SRRM1: variants seen among roughly 807,000 people sequenced by gnomAD.
The protein encoded by SRRM1 is serine/arginine repetitive matrix protein 1.
SRRM1 carries 19 observed loss-of-function variants against 110.2 expected under a neutral mutation model. The observed-to-expected ratio is 0.17, with a 90% CI of 0.12 to 0.25. The LOEUF is 0.25. SRRM1 is among the 10% of genes least tolerant of loss of function. The pLI is 1.00. For synonymous variants in SRRM1, 443 were observed against 414.9 expected (o/e 1.07, Z -0.82); for missense variants, 918 against 1,145.8 (o/e 0.80, Z 2.87).
At chr1:24,658,738 A>G (rs1319748286) in intron 9 of SRRM1, among the ~76,000 whole-genome samples, 1 of 152,202 alleles carries the variant, frequency 6.6e-6, no homozygotes, top group East Asian at 1.9e-4. Flanking sequence ...AGCCTCAAAT[A>G]GTTAACAATT....
At position 24,646,079 on chromosome 1, in the gene SRRM1, C is replaced by A. The variant is rs1657339433; in HGVS notation, c.111+6C>A. 4 of 1,605,766 alleles carry A rather than the reference C, an allele frequency of 2.5e-6. No individual in the cohort carries two copies. The South Asian group carries it at 3.3e-5, about 13-fold the overall frequency. On this transcript the variant is annotated splice_donor_region_variant and intron_variant, in intron 2 of 16. Coordinates refer to ENST00000323848, the MANE Select transcript of SRRM1 (RefSeq NM_005839.4). ...CAGAATGCCTAGAAAAAAAGGTATT[C>A]TTCTGGATGAGACTGTTGTGCATCT...
At chr1:24,651,661 A>C (rs748895006) in intron 6 of SRRM1, 49 bp downstream of exon 6, 1 of 1,349,844 alleles carries the variant, frequency 7.4e-7, no homozygotes, top group Non-Finnish European at 1.0e-6. Context: ...TTAGATTAAT[A>C]GTGACTGCAA....
At chr1:24,649,112 C>G (rs1659095011) in intron 4 of SRRM1, 83 bp downstream of exon 4, 13 of 1,280,862 alleles carry the variant, frequency 1.0e-5, no homozygotes, top group Non-Finnish European at 1.4e-5. Context: ...TATGACTCAG[C>G]TAGGATCTTC....
chr1:24,669,796 G>C, intron 14 of SRRM1: 1 of 577,956 alleles, frequency 1.7e-6, no homozygotes, highest in South Asian at 2.5e-5. Context: ...GTTCTTAGCA[G>C]TTATTAATTT....
In SRRM1 at chr1:24,673,243, CAG is replaced by C. The variant is rs1317054603; in HGVS notation, c.*959_*960del. On this transcript the variant is annotated 3_prime_UTR_variant, in exon 17 of 17. Transcript: ENST00000323848. ...AGCTATATAAAGCTTGTGGATTAAACAGAATAAATTTCTAAATTTAAAAATTT... is the reference window on the plus strand; with the variant it reads ...AGCTATATAAAGCTTGTGGATTAAACAATAAATTTCTAAATTTAAAAATTT... 5 of 151,466 alleles carry C rather than the reference CAG, an allele frequency of 3.3e-5. No homozygotes were observed. Among genetic ancestry groups the C allele is most frequent in the African/African-American group, 4.9e-5 (2 of 41,186 alleles). 9.4% of individuals were successfully genotyped at this position (151,466 alleles called of 1,614,324 possible).
At chr1:24,644,188 T>TA (rs1388061124) in intron 1 of SRRM1, among the ~76,000 whole-genome samples, 1 of 152,144 alleles carries the variant, frequency 6.6e-6, no homozygotes, top group East Asian at 1.9e-4. Flanking sequence ...GCAGGGAAGT[T>TA]ACTCCGTCGT....
At chr1:24,659,675 T>C (rs1011955624) in intron 9 of SRRM1, among the ~76,000 whole-genome samples, 3 of 152,260 alleles carry the variant, frequency 2.0e-5, no homozygotes, top group African/African-American at 7.2e-5. Flanking sequence ...GTGACTGAGG[T>C]GAAGTTGCTT....
chr1:24,646,538 AAAT>A, intron 2 of SRRM1, 126 bp from the exon 3 acceptor site: 1 of 734,038 alleles, frequency 1.4e-6, no homozygotes, highest in African/African-American at 1.9e-5. Flanking sequence ...AAAAAAAAAA[AAAT>A]TAGCAGATTC....
intron 11 of SRRM1, among the ~76,000 whole-genome samples, chr1:24,662,214 G>A (rs903968741): frequency 1.3e-5 from 2 of 152,244 alleles, no homozygotes; most frequent in African/African-American, 4.8e-5. Flanking sequence ...TTGGGAGGCT[G>A]AGGTAGATGG....
intron 12 of SRRM1, among the ~76,000 whole-genome samples, chr1:24,665,930 CA>C (rs1470570908): frequency 6.6e-6 from 1 of 151,722 alleles, no homozygotes; most frequent in South Asian, 2.1e-4. Flanking sequence ...CTGTCCTGGG[CA>C]AAAAAAATTA....
Position 24,666,900 on chromosome 1 carries a change from A to T in SRRM1, c.1714A>T (p.Thr572Ser). 6.2e-7 allele frequency: 1 copy of T among 1,610,108 alleles called. No homozygotes were observed. Among genetic ancestry groups the T allele is most frequent in the Non-Finnish European group, 8.5e-7 (1 of 1,178,764 alleles). ...CGCCCCTCCTCCTCGACGGCGCAGG[A>T]CTCCCACACCACCACCACGACGAAG... Reference protein sequence around the residue: ...SPAPPPRRRRTPTPPPRRRTP... With the variant: ...SPAPPPRRRRSPTPPPRRRTP... Residue 572 changes from threonine (T) to serine (S), a missense_variant, in exon 13 of 17, where the codon ACT (threonine) becomes TCT (serine). Physicochemically the swap from Thr to Ser is moderately conservative, Grantham distance 58. Around this residue, in one of 5 missense-constraint regions of SRRM1, gnomAD observed 357 missense variants for 402.9 expected, o/e 0.89. Transcript: ENST00000323848.
At chr1:24,652,141 G>T (rs1366600802) in intron 6 of SRRM1, among the ~76,000 whole-genome samples, 1 of 148,562 alleles carries the variant, frequency 6.7e-6, no homozygotes, top group Admixed American at 6.7e-5. Context: ...GATCACTTGA[G>T]CCTGGGAGGT....
rs1553162728 is a variant in SRRM1, at chr1:24,643,494, C to CCA, written c.21+148_21+149insAC. The CCA allele has an allele frequency of 5.4e-6, 3 of 557,426 alleles. No homozygotes were observed. In the South Asian group the frequency reaches 1.3e-4, roughly 24 times the overall value. The allele number at this position is 557,426 out of a possible 1,614,324, so 34.5% of individuals were successfully genotyped here. A position where few individuals can be genotyped will look rare whatever the true frequency, so the allele number is the denominator to read the frequency against. ...CTAGAGCCGGCGCACCCCCCCCCCCCCCGTGCGCTGCGGCGGAGACCGGTG... is the reference window on the plus strand; with the variant it reads ...CTAGAGCCGGCGCACCCCCCCCCCCCCACCGTGCGCTGCGGCGGAGACCGGTG... On this transcript the variant is annotated intron_variant, in intron 1 of 16. Transcript: ENST00000323848.
At chr1:24,660,289 A>G (rs1666468444) in intron 9 of SRRM1, among the ~76,000 whole-genome samples, 1 of 152,190 alleles carries the variant, frequency 6.6e-6, no homozygotes, top group South Asian at 2.1e-4. Context: ...GCAGCTCCCA[A>G]TTTCCTTTAA....
chr1:24,654,564 G>A (rs1206916689), intron 8 of SRRM1, among the ~76,000 whole-genome samples: 1 of 152,160 alleles, frequency 6.6e-6, no homozygotes, highest in Non-Finnish European at 1.5e-5. Flanking sequence ...AAGGCAGAAG[G>A]ACTAGTTAGT....
In SRRM1 at chr1:24,669,389, C is replaced by G; in HGVS notation, c.2006C>G (p.Ser669Cys). 1.2e-6 allele frequency: 2 copies of G among 1,614,166 alleles called. No homozygotes were observed. The highest frequency in any genetic ancestry group is 2.2e-5 in the East Asian group (1 of 44,874). ...AGGAAAGGGTCTTCCCCAAGCCGCT[C>G]TACCCGGGAGGCCCGATCACCACAA... Reference protein sequence around the residue: ...KHRKGSSPSRSTREARSPQPN... With the variant: ...KHRKGSSPSRCTREARSPQPN... Residue 669 changes from serine to cysteine, a missense_variant, in exon 14 of 17, where the codon TCT becomes TGT. Physicochemically the swap from Ser to Cys is moderately radical, Grantham distance 112 (BLOSUM62 -1). Coordinates refer to ENST00000323848, the MANE Select transcript of SRRM1 (RefSeq NM_005839.4).
chr1:24,649,816 G>A (rs573754203), intron 4 of SRRM1, among the ~76,000 whole-genome samples, 155 bp from the exon 5 acceptor site: 9 of 152,190 alleles, frequency 5.9e-5, no homozygotes, highest in Non-Finnish European at 1.3e-4. Context: ...GTCTTAATGC[G>A]TATCTGTAGT....
At chr1:24,672,159 C>T (rs760970185) in intron 16 of SRRM1, 23 bp from the exon 17 acceptor site, 71 of 1,567,392 alleles carry the variant, frequency 4.5e-5, no homozygotes, top group South Asian at 5.7e-5. Context: ...AAGACTTAAC[C>T]GTGTAAATTC....
intron 8 of SRRM1, 120 bp downstream of exon 8, chr1:24,653,152 TGTC>T (rs1243480016): frequency 2.1e-6 from 2 of 970,658 alleles, no homozygotes; most frequent in African/African-American, 3.3e-5. Flanking sequence ...TATTAGACAA[TGTC>T]TTCTAAAGAG....
Sources: allele counts gnomAD v4.1 joint callset (sites outside exome capture counted in the v4.1 genomes callset), GRCh38; gene constraint gnomAD v4.1.1; regional missense constraint gnomAD v4.1.1; transcripts MANE v1.5; gene names NCBI Gene and HGNC (gene_info 2026-07-23, HGNC 2026-07-21).